Variants in RELL1 observed in about 807,000 individuals in gnomAD.
The protein encoded by RELL1 is RELT-like protein 1.
A neutral mutation model predicts 23.0 loss-of-function variants in RELL1; 10 were observed. The observed-to-expected ratio is 0.43, with a 90% confidence interval of 0.27 to 0.74. The LOEUF (loss-of-function observed/expected upper bound fraction) is 0.74, where lower values mean the gene tolerates loss of function less well. Ranked by LOEUF, RELL1 falls within the 30% of genes least tolerant of loss-of-function variation. RELL1 has a pLI of 0.19. For synonymous variants in RELL1, 146 were observed against 146.8 expected, an observed-to-expected ratio of 0.99 and a Z score of 0.04; for missense variants, 315 against 364.4, an observed-to-expected ratio of 0.86 and a Z score of 1.10.
chr4:37,639,539 C>T (rs573030602), intron 3 of RELL1, among the ~76,000 whole-genome samples: 16 of 150,514 alleles, frequency 1.1e-4, no homozygotes, highest in Admixed American at 9.2e-4. Flanking sequence ...AAAACCTAAT[C>T]TAAGATTCTT....
At position 37,638,483 on chromosome 4, in the gene RELL1, G is replaced by A. The variant is rs773124107; in HGVS notation, c.407C>T (p.Ala136Val). 13 of 1,612,420 alleles carry A rather than the reference G, an allele frequency of 8.1e-6. No individual in the cohort carries two copies. The highest frequency in any genetic ancestry group is 1.3e-5 in the African/African-American group (1 of 74,956). The change falls in exon 4 of 7, where the codon GCG (alanine) becomes GTG (valine). Residue 136 changes from alanine to valine, a missense_variant. Ala to Val is a moderately conservative substitution (Grantham distance 64). Coordinates refer to ENST00000454158, the MANE Select transcript of RELL1 (RefSeq NM_001085400.2). ...KNEANADVLK[A>V]MVADNSLYDP... ...ATACAGGCTGTTATCTGCTACCATC[G>A]CCTTTAAGACATCAGCATTCGCTAA...
At chr4:37,673,057 GC>G (rs1417498135) in intron 1 of RELL1, among the ~76,000 whole-genome samples, 4 of 151,942 alleles carry the variant, frequency 2.6e-5, no homozygotes, top group African/African-American at 9.7e-5. Flanking sequence ...CAATAGACAA[GC>G]TGATTTGTAT....
chr4:37,593,055 G>A (rs998607416), intron 6 of RELL1, among the ~76,000 whole-genome samples: 1 of 152,180 alleles, frequency 6.6e-6, no homozygotes, highest in Non-Finnish European at 1.5e-5. Context: ...CATCGCAAGT[G>A]ACCTCTATAT....
intron 1 of RELL1, among the ~76,000 whole-genome samples, chr4:37,649,888 C>T (rs1309562294): frequency 1.3e-5 from 2 of 152,164 alleles, no homozygotes; most frequent in African/African-American, 4.8e-5. Flanking sequence ...ATTACATAAA[C>T]ACTACATTAC....
At chr4:37,635,457 C>A (rs1426429990) in intron 4 of RELL1, among the ~76,000 whole-genome samples, 3 of 151,984 alleles carry the variant, frequency 2.0e-5, no homozygotes, top group African/African-American at 7.3e-5. Context: ...GAGACCTCGT[C>A]TCTGAAAAAA....
At chr4:37,646,349 G>T (rs1720710628) in intron 3 of RELL1, among the ~76,000 whole-genome samples, 2 of 152,176 alleles carry the variant, frequency 1.3e-5, no homozygotes, top group South Asian at 4.1e-4. Flanking sequence ...TTTCATAAAA[G>T]TTCAACTTTG....
At chr4:37,642,332 A>C (rs1345120129) in intron 3 of RELL1, among the ~76,000 whole-genome samples, 1 of 152,248 alleles carries the variant, frequency 6.6e-6, no homozygotes. Context: ...CTAAGCAGCC[A>C]GTTCAAGGGC....
intron 6 of RELL1, among the ~76,000 whole-genome samples, chr4:37,616,938 T>G (rs780003777): frequency 1.3e-5 from 2 of 152,214 alleles, no homozygotes; most frequent in Non-Finnish European, 2.9e-5. Flanking sequence ...AGATATCGAT[T>G]AATGGAATCA....
chr4:37,605,855 A>AG, downstream of RELL1, among the ~76,000 whole-genome samples: 1 of 138,058 alleles, frequency 7.2e-6, no homozygotes, highest in East Asian at 2.1e-4. Flanking sequence ...AGGAAAAGAA[A>AG]AGAAAAGAAA....
downstream of RELL1, among the ~76,000 whole-genome samples, chr4:37,605,685 C>T (rs1719170303): frequency 6.7e-6 from 1 of 149,502 alleles, no homozygotes; most frequent in Non-Finnish European, 1.5e-5. Context: ...AACGTTGCAG[C>T]GAGTCGAGAT....
chr4:37,666,014 A>G (rs1268233994), intron 1 of RELL1, among the ~76,000 whole-genome samples: 3 of 152,180 alleles, frequency 2.0e-5, no homozygotes, highest in African/African-American at 4.8e-5. Context: ...AGAAAGAGAG[A>G]TGGTGACTGA....
At chr4:37,648,868 T>C (rs187737455) in intron 2 of RELL1, among the ~76,000 whole-genome samples, 5 of 152,360 alleles carry the variant, frequency 3.3e-5, no homozygotes, top group Admixed American at 2.6e-4. Context: ...ATTTAATGAG[T>C]AGTCATATAT....
At chr4:37,624,164 T>C (rs1404899071) in intron 6 of RELL1, among the ~76,000 whole-genome samples, 2 of 152,146 alleles carry the variant, frequency 1.3e-5, no homozygotes, top group Non-Finnish European at 2.9e-5. Flanking sequence ...AAGAGCCACC[T>C]TGTGACCAGC....
chr4:37,635,443 T>C (rs1165330311), intron 4 of RELL1, among the ~76,000 whole-genome samples: 7 of 151,930 alleles, frequency 4.6e-5, no homozygotes, highest in African/African-American at 1.5e-4. Context: ...CTGAGCAACA[T>C]AGAGAGACCT....
chr4:37,641,271 A>C (rs1347250858), intron 3 of RELL1, among the ~76,000 whole-genome samples: 1 of 152,216 alleles, frequency 6.6e-6, no homozygotes, highest in African/African-American at 2.4e-5. Flanking sequence ...GTACAGGTAC[A>C]TACCCACATG....
intron 1 of RELL1, among the ~76,000 whole-genome samples, chr4:37,652,078 A>G (rs1401096450): frequency 6.6e-6 from 1 of 152,198 alleles, no homozygotes; most frequent in African/African-American, 2.4e-5. Context: ...CCTGCATCAT[A>G]ATGATTATAA....
chr4:37,590,610 C>T (rs1014850780), downstream of RELL1: 1 of 1,613,962 alleles, frequency 6.2e-7, no homozygotes, highest in African/African-American at 1.3e-5. Flanking sequence ...AGATACCAGC[C>T]CCAGATTACC....
chr4:37,644,247 A>G (rs114383527), intron 3 of RELL1, among the ~76,000 whole-genome samples: 28 of 151,946 alleles, frequency 1.8e-4, no homozygotes, highest in African/African-American at 6.3e-4. Flanking sequence ...AGGAAATTAT[A>G]TAATACGCCT....
intron 3 of RELL1, among the ~76,000 whole-genome samples, chr4:37,641,971 C>A (rs916945772): frequency 6.6e-6 from 1 of 152,108 alleles, no homozygotes; most frequent in Admixed American, 6.6e-5. Flanking sequence ...ACTGACTGGC[C>A]GGAGTCACAC....
Sources: allele counts gnomAD v4.1 joint callset (sites outside exome capture counted in the v4.1 genomes callset), GRCh38; gene constraint gnomAD v4.1.1; transcripts MANE v1.5; gene names NCBI Gene and HGNC (gene_info 2026-07-23, HGNC 2026-07-21).